Variants in DOCK8 observed in about 807,000 individuals in gnomAD.
The protein encoded by DOCK8 is dedicator of cytokinesis protein 8.
A neutral mutation model predicts 245.6 loss-of-function variants in DOCK8; 141 were observed. The ratio of observed to expected loss-of-function variants is 0.57; its 90% CI spans 0.50 to 0.66. DOCK8 has a LOEUF of 0.66. DOCK8 is among the 30% of genes least tolerant of loss of function. The pLI is 0.00. For missense variants in DOCK8, 2,965 were observed against 2,603.4 expected (o/e 1.14, Z -3.02); for synonymous variants, 1,168 against 970.2 (o/e 1.20, Z -3.79).
rs2057900889 is a variant in DOCK8 at position 464,138 on chromosome 9, CCT to C, written c.6240-16_6240-15del. ...CTGTACGCTCTCTTTCCCTCTCCTC[CCT>C]CTCTTTTCTTAATTTCAGGGACTCC... On this transcript the variant is annotated intron_variant, in intron 47 of 47. Transcript: ENST00000432829. 5 of 1,602,872 alleles carry C rather than the reference CCT, an allele frequency of 3.1e-6. No individual in the cohort carries two copies. The South Asian group carries it at 5.5e-5, about 18-fold the overall frequency.
intron 14 of DOCK8, among the ~76,000 whole-genome samples, chr9:355,805 C>T (rs1358954892): frequency 1.3e-5 from 2 of 151,756 alleles, no homozygotes; most frequent in East Asian, 3.9e-4. Context: ...CCCAACCGCA[C>T]ACTCACCTCC....
At chr9:443,650 C>A in intron 43 of DOCK8, 134 bp downstream of exon 43, 1 of 692,552 alleles carries the variant, frequency 1.4e-6, no homozygotes, top group Non-Finnish European at 2.5e-6. Context: ...GTCTAGAGTT[C>A]AACTACTAAT....
chr9:324,415 A>T (rs924112092), intron 7 of DOCK8, among the ~76,000 whole-genome samples: 1 of 152,186 alleles, frequency 6.6e-6, no homozygotes, highest in Non-Finnish European at 1.5e-5. Context: ...GGTAACATCC[A>T]AAGCCATGGG....
chr9:297,286 C>A (rs1019584181), intron 4 of DOCK8, among the ~76,000 whole-genome samples: 1 of 152,198 alleles, frequency 6.6e-6, no homozygotes, highest in Admixed American at 6.5e-5. Flanking sequence ...TGCCCAAGGT[C>A]TCTTAGTACA....
At chr9:298,730 G>A (rs1390134718) in intron 4 of DOCK8, among the ~76,000 whole-genome samples, 1 of 151,602 alleles carries the variant, frequency 6.6e-6, no homozygotes, top group Non-Finnish European at 1.5e-5. Flanking sequence ...AACACAAAAA[G>A]TAATGCTAAA....
chr9:374,861 A>T (rs2053456700), intron 18 of DOCK8, among the ~76,000 whole-genome samples: 1 of 152,082 alleles, frequency 6.6e-6, no homozygotes, highest in Non-Finnish European at 1.5e-5. Flanking sequence ...TAGATCACAG[A>T]TGGCAAACTC....
At chr9:219,654 T>C (rs536948208) in intron 1 of DOCK8, among the ~76,000 whole-genome samples, 16 of 152,056 alleles carry the variant, frequency 1.1e-4, no homozygotes, top group Non-Finnish European at 1.9e-4. Flanking sequence ...CCTAGCACTT[T>C]GGGAGGCCTA....
intron 28 of DOCK8, among the ~76,000 whole-genome samples, chr9:412,376 G>A (rs1304321346): frequency 1.4e-5 from 2 of 141,880 alleles, no homozygotes; most frequent in African/African-American, 2.7e-5. Context: ...CTGCACTCCA[G>A]CCTGGGCCAC....
intron 11 of DOCK8, among the ~76,000 whole-genome samples, chr9:335,823 A>G (rs1361970746): frequency 2.6e-5 from 4 of 152,328 alleles, no homozygotes; most frequent in Admixed American, 1.3e-4. Flanking sequence ...AGAGGTAGCA[A>G]GAAATTCTAA....
intron 4 of DOCK8, among the ~76,000 whole-genome samples, chr9:301,499 A>G (rs532600538): frequency 6.6e-6 from 1 of 152,350 alleles, no homozygotes. Context: ...AGCCAGAGAA[A>G]TCAGGCAAGA....
intron 38 of DOCK8, among the ~76,000 whole-genome samples, chr9:434,225 A>G (rs2056817196): frequency 6.6e-6 from 1 of 152,208 alleles, no homozygotes; most frequent in African/African-American, 2.4e-5. Context: ...TAATAACACT[A>G]TCTTCTACTT....
intron 1 of DOCK8, among the ~76,000 whole-genome samples, chr9:220,236 C>G (rs1479303530): frequency 6.6e-6 from 1 of 152,138 alleles, no homozygotes; most frequent in Non-Finnish European, 1.5e-5. Context: ...TGGAAAAGGT[C>G]CATTTGTGCT....
chr9:418,101 CG>C lies in DOCK8; in HGVS notation c.3736del (p.Asp1246MetfsTer18). The C allele has an allele frequency of 6.2e-7, 1 of 1,614,188 alleles. No individual in the cohort carries two copies. The highest frequency in any genetic ancestry group is 8.5e-7 in the Non-Finnish European group (1 of 1,180,040). On this transcript the variant is annotated frameshift_variant, in exon 30 of 48. Transcript: ENST00000432829. LOFTEE classifies it high-confidence loss of function. The part of the protein sequence containing the change: ...ADTRRYRTSG[S>X]DEEQEGAGAI... ...ACTCGCAGATACCGCACCAGTGGCT[CG>C]GATGAAGAACAAGAAGGAGCCGGTG...
intron 33 of DOCK8, among the ~76,000 whole-genome samples, chr9:426,666 G>T (rs945913795): frequency 6.6e-6 from 1 of 152,122 alleles, no homozygotes; most frequent in Non-Finnish European, 1.5e-5. Context: ...ATAATAGTGG[G>T]GATGAGGATG....
At chr9:242,810 G>GTTTTTTT (rs34167682) in intron 1 of DOCK8, among the ~76,000 whole-genome samples, 2 of 140,930 alleles carry the variant, frequency 1.4e-5, no homozygotes, top group Non-Finnish European at 1.6e-5. Flanking sequence ...TGTTGAGCTT[G>GTTTTTTT]TTTTTTTTTT....
At chr9:285,878 G>A (rs1356272374) in intron 2 of DOCK8, among the ~76,000 whole-genome samples, 1 of 152,096 alleles carries the variant, frequency 6.6e-6, no homozygotes, top group Non-Finnish European at 1.5e-5. Context: ...AGCACCAGTC[G>A]CCCCAGTGAC....
At chr9:344,771 G>C (rs1244419257) in intron 14 of DOCK8, among the ~76,000 whole-genome samples, 5 of 152,318 alleles carry the variant, frequency 3.3e-5, no homozygotes, top group African/African-American at 1.2e-4. Context: ...TTTTGGGCCA[G>C]GTGTGGTGGC....
intron 8 of DOCK8, among the ~76,000 whole-genome samples, chr9:326,184 A>G (rs10970457): frequency 6.6e-6 from 1 of 152,188 alleles, no homozygotes; most frequent in African/African-American, 2.4e-5. Flanking sequence ...GCTTTTAATG[A>G]AAACAGTGAC....
At chr9:386,175 T>G (rs1275106164) in intron 22 of DOCK8, among the ~76,000 whole-genome samples, 156 bp from the exon 23 acceptor site, 3 of 152,212 alleles carry the variant, frequency 2.0e-5, no homozygotes. Context: ...TCACTGTCTT[T>G]GCTTTGTTTT....
Sources: allele counts gnomAD v4.1 joint callset (sites outside exome capture counted in the v4.1 genomes callset), GRCh38; gene constraint gnomAD v4.1.1; transcripts MANE v1.5; gene names NCBI Gene and HGNC (gene_info 2026-07-23, HGNC 2026-07-21).